AUTS2: variants seen among roughly 807,000 people sequenced by gnomAD.
AUTS2 encodes activator of transcription and developmental regulator AUTS2.
AUTS2 carries 17 observed loss-of-function variants against 112.4 expected under a neutral mutation model. The ratio of observed to expected loss-of-function variants is 0.15; its 90% CI spans 0.10 to 0.23. The LOEUF is 0.23. AUTS2 is among the 10% of genes least tolerant of loss of function. AUTS2 has a pLI of 1.00. For missense variants in AUTS2, 1,510 were observed against 1,701.6 expected (o/e 0.89, Z 1.98); for synonymous variants, 751 against 702.7 (o/e 1.07, Z -1.09).
chr7:70,353,027 A>T (rs1286730780), intron 4 of AUTS2, among the ~76,000 whole-genome samples: 1 of 151,476 alleles, frequency 6.6e-6, no homozygotes, highest in Non-Finnish European at 1.5e-5. Context: ...CTCATTAGTT[A>T]CCTCTTCACA....
At chr7:69,795,889 A>G (rs935170546) in intron 1 of AUTS2, among the ~76,000 whole-genome samples, 7 of 152,172 alleles carry the variant, frequency 4.6e-5, no homozygotes, top group Non-Finnish European at 7.3e-5. Flanking sequence ...CTCGTTATAA[A>G]CCAGGACCCA....
chr7:70,450,650 G>T (rs1796493066), intron 5 of AUTS2, among the ~76,000 whole-genome samples: 1 of 152,176 alleles, frequency 6.6e-6, no homozygotes, highest in Admixed American at 6.5e-5. Context: ...GAAGCCACTG[G>T]GTACCTTATG....
At chr7:69,738,889 G>C (rs1787149561) in intron 1 of AUTS2, among the ~76,000 whole-genome samples, 1 of 152,122 alleles carries the variant, frequency 6.6e-6, no homozygotes, top group Admixed American at 6.5e-5. Flanking sequence ...GGAAGGAGAT[G>C]AGGGCTGCTA....
intron 6 of AUTS2, among the ~76,000 whole-genome samples, chr7:70,710,331 C>T (rs1483852480): frequency 6.6e-6 from 1 of 152,120 alleles, no homozygotes; most frequent in African/African-American, 2.4e-5. Flanking sequence ...ACTCATTTTA[C>T]CACCACGAAT....
intron 1 of AUTS2, among the ~76,000 whole-genome samples, chr7:69,618,702 T>C (rs1378127546): frequency 6.6e-6 from 1 of 152,186 alleles, no homozygotes; most frequent in African/African-American, 2.4e-5. Context: ...GACTATGAAA[T>C]ATTTTCTAGG....
intron 5 of AUTS2, among the ~76,000 whole-genome samples, chr7:70,485,981 T>G (rs1437967600): frequency 1.3e-5 from 2 of 150,280 alleles, no homozygotes; most frequent in Non-Finnish European, 3.0e-5. Context: ...GAAAAAAACC[T>G]TAATTAAAAA....
chr7:70,533,311 G>A (rs576267324), intron 5 of AUTS2, among the ~76,000 whole-genome samples: 238 of 152,120 alleles, frequency 1.6e-3, no homozygotes, highest in Admixed American at 2.9e-3. Context: ...AAACGGTCTC[G>A]CTTTGCTGCC....
intron 2 of AUTS2, among the ~76,000 whole-genome samples, chr7:70,058,441 C>T (rs117448658): frequency 6.6e-6 from 1 of 152,216 alleles, no homozygotes. Flanking sequence ...CATGTACCCC[C>T]CCGCTACGCA....
At chr7:70,543,462 G>A (rs1800637610) in intron 5 of AUTS2, among the ~76,000 whole-genome samples, 1 of 151,582 alleles carries the variant, frequency 6.6e-6, no homozygotes, top group South Asian at 2.1e-4. Flanking sequence ...CCGGGAGGCA[G>A]AGGTTGTGCT....
chr7:70,170,936 T>G (rs1029530165), intron 4 of AUTS2, among the ~76,000 whole-genome samples: 1 of 152,134 alleles, frequency 6.6e-6, no homozygotes, highest in African/African-American at 2.4e-5. Flanking sequence ...CTCTATTTAA[T>G]TCCCTTGCTT....
intron 4 of AUTS2, chr7:70,293,615 C>T (rs754735737): frequency 1.8e-4 from 27 of 152,108 alleles, no homozygotes; most frequent in Admixed American, 7.9e-4. Context: ...TAGAACCACA[C>T]CTTTTTCTCT....
At chr7:70,379,822 A>G (rs1793288127) in intron 4 of AUTS2, among the ~76,000 whole-genome samples, 1 of 152,128 alleles carries the variant, frequency 6.6e-6, no homozygotes, top group South Asian at 2.1e-4. Flanking sequence ...CACCTTTACC[A>G]TTGTCTTATG....
At chr7:70,240,984 G>A (rs1053958864) in intron 4 of AUTS2, among the ~76,000 whole-genome samples, 1 of 152,132 alleles carries the variant, frequency 6.6e-6, no homozygotes, top group Non-Finnish European at 1.5e-5. Flanking sequence ...TTGTTGTTTG[G>A]ACATATCTAA....
At chr7:70,040,410 C>T (rs960356968) in intron 2 of AUTS2, among the ~76,000 whole-genome samples, 5 of 152,136 alleles carry the variant, frequency 3.3e-5, no homozygotes, top group African/African-American at 1.2e-4. Flanking sequence ...CTTTGGAGCA[C>T]AAGTAAATCA....
At chr7:70,161,428 G>A (rs376447943) in intron 4 of AUTS2, among the ~76,000 whole-genome samples, 1 of 151,764 alleles carries the variant, frequency 6.6e-6, no homozygotes, top group Non-Finnish European at 1.5e-5. Context: ...GCTTATCCTT[G>A]ATGAAAGCTT....
Position 70,599,768 on chromosome 7 carries a change from G to A in AUTS2, c.691-98801G>A, listed in dbSNP as rs528047543. On this transcript the variant is annotated intron_variant, in intron 5 of 18. Transcript: ENST00000342771. The stretch of plus-strand genomic sequence containing the variant: ...GTGACAGTCATCACTCACAACACGG[G>A]AAGCTACACAGCTAGGTCAGCCTTC... 2.0e-3 allele frequency among the ~76,000 whole-genome samples: 305 copies of A among 152,300 alleles called. 4 individuals carry two copies. The highest frequency in any genetic ancestry group is 1.2e-3 in the East Asian group (6 of 5,162).
chr7:70,726,986 G>A (rs1787072898), intron 6 of AUTS2, among the ~76,000 whole-genome samples: 1 of 152,200 alleles, frequency 6.6e-6, no homozygotes, highest in South Asian at 2.1e-4. Context: ...TAGGTAGGTA[G>A]GCTTGTGTTT....
intron 1 of AUTS2, among the ~76,000 whole-genome samples, chr7:69,637,634 T>A (rs917509343): frequency 1.3e-5 from 2 of 152,238 alleles, no homozygotes; most frequent in Non-Finnish European, 2.9e-5. Flanking sequence ...GGCAGGATTC[T>A]GAAACAGTGT....
At chr7:69,664,625 T>A (rs1795948873) in intron 1 of AUTS2, among the ~76,000 whole-genome samples, 1 of 152,152 alleles carries the variant, frequency 6.6e-6, no homozygotes, top group South Asian at 2.1e-4. Flanking sequence ...GAAAGTACCC[T>A]GTGTCTCATG....
Sources: gnomAD v4.1 joint callset for allele counts (sites outside exome capture counted in the v4.1 genomes callset) on GRCh38, gnomAD v4.1.1 for gene constraint, MANE v1.5 for transcripts, NCBI Gene and HGNC (gene_info 2026-07-23, HGNC 2026-07-21) for gene names.